Variants in NSUN6 observed in about 807,000 individuals in gnomAD.
NSUN6 encodes tRNA (cytosine(72)-C(5))-methyltransferase NSUN6.
In NSUN6, 64 loss-of-function variants were observed where a neutral mutation model predicts 58.0. That is an observed-to-expected ratio of 1.10 (90% CI 0.90 to 1.36). NSUN6 has a LOEUF of 1.36. Among genes scored for constraint, NSUN6 ranks in the 40% most tolerant of loss-of-function variants. The pLI is 0.00. For synonymous variants in NSUN6, 231 were observed against 193.9 expected (o/e 1.19, Z -1.59); for missense variants, 701 against 550.1 (o/e 1.27, Z -2.74).
chr10:18,547,329 T>G (rs2054335269), intron 10 of NSUN6, among the ~76,000 whole-genome samples: 1 of 152,180 alleles, frequency 6.6e-6, no homozygotes, highest in African/African-American at 2.4e-5. Context: ...GGTATATATT[T>G]TGAGTGTGTG....
At chr10:18,645,410 T>G (rs1165546262) in intron 2 of NSUN6, among the ~76,000 whole-genome samples, 1 of 152,224 alleles carries the variant, frequency 6.6e-6, no homozygotes, top group East Asian at 1.9e-4. Flanking sequence ...CATGTTAGAC[T>G]TGGGTCCCAC....
intron 7 of NSUN6, among the ~76,000 whole-genome samples, chr10:18,589,334 G>T (rs2057292970): frequency 6.6e-6 from 1 of 152,140 alleles, no homozygotes; most frequent in South Asian, 2.1e-4. Context: ...GACCAAATTG[G>T]AAAACACACT....
chr10:18,579,624 C>A (rs982379242), intron 8 of NSUN6, among the ~76,000 whole-genome samples: 2 of 152,078 alleles, frequency 1.3e-5, no homozygotes, highest in African/African-American at 2.4e-5. Context: ...GAGACATGTG[C>A]CCCAGGTGGT....
intron 7 of NSUN6, among the ~76,000 whole-genome samples, chr10:18,590,563 A>C (rs2057341429): frequency 6.6e-6 from 1 of 152,224 alleles, no homozygotes; most frequent in Admixed American, 6.5e-5. Flanking sequence ...AGTCTCTCAG[A>C]CCACAGTGCA....
intron 8 of NSUN6, among the ~76,000 whole-genome samples, chr10:18,578,930 G>C (rs1289060122): frequency 6.6e-6 from 1 of 152,136 alleles, no homozygotes; most frequent in Non-Finnish European, 1.5e-5. Context: ...TAATGGTAAT[G>C]TGTCATCTCT....
chr10:18,603,814 C>G, intron 6 of NSUN6, among the ~76,000 whole-genome samples: 1 of 152,074 alleles, frequency 6.6e-6, no homozygotes. Context: ...AAAATGAAAT[C>G]CTTCTTTTAT....
intron 3 of NSUN6, among the ~76,000 whole-genome samples, chr10:18,627,841 G>A (rs2058875863): frequency 6.6e-6 from 1 of 152,252 alleles, no homozygotes; most frequent in South Asian, 2.1e-4. Flanking sequence ...AGGGGCGCCA[G>A]CCATTGCCCA....
intron 3 of NSUN6, among the ~76,000 whole-genome samples, chr10:18,617,938 T>C (rs946753550): frequency 6.6e-6 from 1 of 152,192 alleles, no homozygotes; most frequent in East Asian, 1.9e-4. Context: ...GCCTCGATCT[T>C]GGACTTCGTA....
intron 8 of NSUN6, among the ~76,000 whole-genome samples, chr10:18,558,926 T>C (rs540124660): frequency 6.7e-6 from 1 of 150,374 alleles, no homozygotes; most frequent in South Asian, 2.1e-4. Context: ...GAATTGAGAA[T>C]GGACTGGACA....
In NSUN6 at chr10:18,611,870, G is replaced by A. The variant is rs7905730; in HGVS notation, c.576-1944C>T. On this transcript the variant is annotated intron_variant, in intron 5 of 10. Transcript: ENST00000377304. ...ACGGGTATGAGCCACCATGCCTGGC[G>A]CCCTCAGTTCTAACAGCATTTAGCA... 8.3e-3 allele frequency among the ~76,000 whole-genome samples: 1,264 copies of A among 152,082 alleles called. 14 individuals are homozygous for A. The highest frequency in any genetic ancestry group is 0.033 in the South Asian group (160 of 4,814).
intron 6 of NSUN6, among the ~76,000 whole-genome samples, chr10:18,603,719 C>A (rs7078113): frequency 6.6e-6 from 1 of 152,086 alleles, no homozygotes; most frequent in East Asian, 1.9e-4. Flanking sequence ...TCAGGTGATC[C>A]GCCCACCTCA....
intron 8 of NSUN6, among the ~76,000 whole-genome samples, chr10:18,580,977 CT>C (rs2056878671): frequency 6.6e-6 from 1 of 152,160 alleles, no homozygotes; most frequent in Non-Finnish European, 1.5e-5. Context: ...GTAAAGTACA[CT>C]TGGAAGAGGG....
chr10:18,636,659 G>A (rs552921606), intron 3 of NSUN6, among the ~76,000 whole-genome samples: 2 of 151,852 alleles, frequency 1.3e-5, no homozygotes, highest in East Asian at 2.0e-4. Flanking sequence ...TTTGGGAGGT[G>A]GAGGCGGGCA....
Position 18,651,410 on chromosome 10 carries a change from C to T in NSUN6, c.-207G>A, listed in dbSNP as rs1564854621. ...AGAAGGGGCTGCCGGGCTTCCACCA[C>T]ACCTCATCGAGGCAATGTTTTCTGG... On this transcript the variant is annotated 5_prime_UTR_variant, in exon 1 of 11. It adds an upstream start codon to the 5' untranslated region. Transcript: ENST00000377304. 1.6e-6 allele frequency: 2 copies of T among 1,266,624 alleles called. No individual in the cohort carries two copies. Among genetic ancestry groups the T allele is most frequent in the Non-Finnish European group, 2.0e-6 (2 of 1,007,382 alleles). 78.5% of individuals were successfully genotyped at this position (1,266,624 alleles called of 1,614,324 possible). A position where few individuals can be genotyped will look rare whatever the true frequency, so the allele number is the denominator to read the frequency against.
chr10:18,636,750 G>A (rs1443419555), intron 3 of NSUN6, among the ~76,000 whole-genome samples: 1 of 151,724 alleles, frequency 6.6e-6, no homozygotes, highest in East Asian at 1.9e-4. Context: ...AAATTAGTCG[G>A]GCGTGGTGGC....
chr10:18,625,530 T>C (rs904335469), intron 3 of NSUN6, among the ~76,000 whole-genome samples: 3 of 151,532 alleles, frequency 2.0e-5, no homozygotes, highest in African/African-American at 7.3e-5. Context: ...CTGACCAACA[T>C]GGTAAAACTC....
intron 3 of NSUN6, among the ~76,000 whole-genome samples, chr10:18,627,990 G>A (rs1246359242): frequency 1.3e-5 from 2 of 152,354 alleles, no homozygotes; most frequent in East Asian, 3.9e-4. Context: ...AGTAACCTCT[G>A]CACACTTAAA....
intron 9 of NSUN6, among the ~76,000 whole-genome samples, chr10:18,549,458 T>C (rs532767963): frequency 1.3e-5 from 2 of 152,292 alleles, no homozygotes; most frequent in Middle Eastern, 3.4e-3. Flanking sequence ...CCAACACTCC[T>C]ATCCCCAGTT....
At chr10:18,600,981 T>C (rs558031875) in intron 6 of NSUN6, among the ~76,000 whole-genome samples, 90 of 125,482 alleles carry the variant, frequency 7.2e-4, no homozygotes, top group Non-Finnish European at 1.2e-3. Context: ...TATATATGTA[T>C]ATATATATAT....
Sources: allele counts gnomAD v4.1 joint callset (sites outside exome capture counted in the v4.1 genomes callset), GRCh38; gene constraint gnomAD v4.1.1; transcripts MANE v1.5; gene names NCBI Gene and HGNC (gene_info 2026-07-23, HGNC 2026-07-21).